Variants in RNF217 observed in about 807,000 individuals in gnomAD.
The protein encoded by RNF217 is ring finger protein 217.
In RNF217, 31 loss-of-function variants were observed where a neutral mutation model predicts 57.8. The ratio of observed to expected loss-of-function variants is 0.54; its 90% confidence interval spans 0.40 to 0.72. RNF217 has a LOEUF of 0.72. RNF217 is among the 30% of genes least tolerant of loss of function. RNF217 has a pLI of 0.00. For synonymous variants in RNF217, 313 were observed against 294.0 expected, an observed-to-expected ratio of 1.06 and a Z score of -0.66; for missense variants, 696 against 708.3, an observed-to-expected ratio of 0.98 and a Z score of 0.20.
intron 1 of RNF217, among the ~76,000 whole-genome samples, chr6:125,005,232 A>G (rs548411878): frequency 5.9e-5 from 9 of 152,326 alleles, no homozygotes; most frequent in African/African-American, 2.2e-4. Context: ...TATAACTACT[A>G]TGGAAAGGAC....
At chr6:124,985,773 G>A (rs970900482) in intron 1 of RNF217, among the ~76,000 whole-genome samples, 8 of 152,066 alleles carry the variant, frequency 5.3e-5, no homozygotes, top group Non-Finnish European at 1.0e-4. Flanking sequence ...GAGGTAGCAA[G>A]GAATTATATT....
intron 1 of RNF217, among the ~76,000 whole-genome samples, chr6:125,037,462 G>A (rs1409160584): frequency 6.6e-6 from 1 of 152,098 alleles, no homozygotes; most frequent in Non-Finnish European, 1.5e-5. Context: ...TCTTTGTACT[G>A]TATTTATCTT....
At chr6:125,045,853 T>C (rs554442505) in intron 2 of RNF217, among the ~76,000 whole-genome samples, 59 of 152,160 alleles carry the variant, frequency 3.9e-4, no homozygotes, top group Admixed American at 1.8e-3. Flanking sequence ...ATGGTACTCA[T>C]TCATTTATTC....
At chr6:125,029,882 C>T (rs1047480916) in intron 1 of RNF217, among the ~76,000 whole-genome samples, 2 of 152,066 alleles carry the variant, frequency 1.3e-5, no homozygotes, top group Non-Finnish European at 2.9e-5. Context: ...GGGTGGGATT[C>T]CCATAGGGCT....
rs1320908868 is a variant in RNF217 at position 124,963,309 on chromosome 6, T to TGC, written c.766_767insCG (p.Val256AlafsTer7). ...GCCTGGGCGGTGTAGGGGATCCCTA[T>TGC]GTGCCCCTCATGGTGCTGATGTGCC... On this transcript the variant is annotated frameshift_variant, in exon 1 of 6. Transcript: ENST00000521654. LOFTEE classifies it high-confidence loss of function. The TGC allele has an allele frequency of 3.4e-5, 52 of 1,535,638 alleles. No homozygotes were observed. Among genetic ancestry groups the TGC allele is most frequent in the African/African-American group, 6.8e-5 (5 of 73,044 alleles).
intron 2 of RNF217, among the ~76,000 whole-genome samples, chr6:125,046,367 T>G (rs1787098992): frequency 6.6e-6 from 1 of 151,988 alleles, no homozygotes; most frequent in Non-Finnish European, 1.5e-5. Flanking sequence ...CAGACAGAAG[T>G]CTGGTTTGAA....
At chr6:124,991,038 TG>T (rs759527179) in intron 1 of RNF217, among the ~76,000 whole-genome samples, 12 of 152,194 alleles carry the variant, frequency 7.9e-5, no homozygotes, top group Non-Finnish European at 1.5e-4. Flanking sequence ...CTGCAAAGCC[TG>T]GGTGACACAG....
Position 124,963,124 on chromosome 6 carries a change from G to C in RNF217, c.580G>C (p.Val194Leu). 6.5e-7 allele frequency: 1 copy of C among 1,535,948 alleles called. No homozygotes were observed. Among genetic ancestry groups the C allele is most frequent in the Middle Eastern group, 1.7e-4 (1 of 5,970 alleles). ...CGCGTCGCCACCTGGGGCTCCGCCA[G>C]TGTTGAACCCTCCCAGCACCCGCTC... is the stretch of plus-strand genomic sequence containing the variant. Reference protein sequence around the residue: ...PPASPPGAPPVLNPPSTRSSF... With the variant: ...PPASPPGAPPLLNPPSTRSSF... The change falls in exon 1 of 6, where the codon GTG becomes CTG. Residue 194 changes from valine (V) to leucine (L), a missense_variant. Coordinates refer to ENST00000521654, the MANE Select transcript of RNF217 (RefSeq NM_001286398.3).
chr6:125,070,813 T>C (rs1233555127), intron 3 of RNF217, among the ~76,000 whole-genome samples: 1 of 152,182 alleles, frequency 6.6e-6, no homozygotes, highest in Non-Finnish European at 1.5e-5. Context: ...CAAAAATGAA[T>C]TAGAGGTTAG....
Position 125,089,211 on chromosome 6 carries a change from G to C in RNF217, c.*6274G>C, listed in dbSNP as rs1317454212. The stretch of plus-strand genomic sequence containing the variant: ...GCAAATGAAGATACCAGTTGGATCA[G>C]AGGGCCTAATAATAGTCTAAAACCA... On this transcript the variant is annotated 3_prime_UTR_variant, in exon 6 of 6. Coordinates refer to ENST00000521654, the MANE Select transcript of RNF217 (RefSeq NM_001286398.3). The C allele has an allele frequency of 2.0e-5, 3 of 152,184 alleles. No individual in the cohort carries two copies. Among genetic ancestry groups the C allele is most frequent in the Admixed American group, 1.3e-4 (2 of 15,266 alleles). 9.4% of individuals were successfully genotyped at this position (152,184 alleles called of 1,614,324 possible).
intron 1 of RNF217, chr6:124,971,576 CT>C (rs749681733): frequency 2.1e-5 from 5 of 242,144 alleles, no homozygotes; most frequent in South Asian, 1.9e-4. Context: ...CTGCCTCAGC[CT>C]TCCGAGTAGT....
In RNF217 at chr6:125,090,016, A is replaced by G. The variant is rs1340520417; in HGVS notation, c.*7079A>G. The G allele has an allele frequency of 6.6e-6, 1 of 152,106 alleles. No individual in the cohort carries two copies. The highest frequency in any genetic ancestry group is 2.4e-5 in the African/African-American group (1 of 41,422). 9.4% of individuals were successfully genotyped at this position (152,106 alleles called of 1,614,324 possible). ...CATAATTTCATTATCAGCTGACAAGAAACCCTTCTAAGACCCATTTTTTTA... is the reference window on the plus strand; with the variant it reads ...CATAATTTCATTATCAGCTGACAAGGAACCCTTCTAAGACCCATTTTTTTA... On this transcript the variant is annotated 3_prime_UTR_variant, in exon 6 of 6. Transcript: ENST00000521654.
intron 4 of RNF217, among the ~76,000 whole-genome samples, chr6:125,079,355 A>C (rs574261077): frequency 3.9e-5 from 6 of 152,132 alleles, no homozygotes; most frequent in Admixed American, 6.6e-5. Flanking sequence ...ATTTTTAAGA[A>C]TAGGTCTTCA....
intron 1 of RNF217, among the ~76,000 whole-genome samples, chr6:125,001,643 A>G (rs941103423): frequency 2.0e-5 from 3 of 152,224 alleles, no homozygotes; most frequent in Non-Finnish European, 4.4e-5. Context: ...TTACTAATCC[A>G]GAGTTCACAC....
intron 1 of RNF217, among the ~76,000 whole-genome samples, chr6:124,978,001 T>C (rs1385237696): frequency 6.6e-6 from 1 of 152,130 alleles, no homozygotes; most frequent in African/African-American, 2.4e-5. Flanking sequence ...GTATTCTTAT[T>C]CTGTTAAAGA....
intron 1 of RNF217, among the ~76,000 whole-genome samples, chr6:125,042,285 G>A (rs577007032): frequency 6.6e-6 from 1 of 152,084 alleles, no homozygotes; most frequent in African/African-American, 2.4e-5. Flanking sequence ...CAATTCTGTA[G>A]GTCTTGAGTG....
chr6:125,045,391 T>C lies in RNF217; in HGVS notation c.1063T>C (p.Phe355Leu), dbSNP rs1356763864. The C allele has an allele frequency of 6.2e-7, 1 of 1,612,928 alleles. No homozygotes were observed. Among genetic ancestry groups the C allele is most frequent in the South Asian group, 1.1e-5 (1 of 90,948 alleles). ...TCCTCAGTGCAAGCACTTTACAACC[T>C]TCAAGAAAAAAGGACATATTCCCAC... ...PCPQCKHFTTFKKKGHIPTPS... is the reference protein window; with the variant it reads ...PCPQCKHFTTLKKKGHIPTPS... Residue 355 changes from phenylalanine to leucine, a missense_variant, in exon 2 of 6, where the codon TTC becomes CTC. By Grantham distance (22) the Phe-to-Leu change is conservative (BLOSUM62 0). Coordinates refer to ENST00000521654, the MANE Select transcript of RNF217 (RefSeq NM_001286398.3).
chr6:124,992,260 G>A (rs1784588365), intron 1 of RNF217, among the ~76,000 whole-genome samples: 1 of 152,250 alleles, frequency 6.6e-6, no homozygotes, highest in Admixed American at 6.5e-5. Context: ...GCAAAGGTAT[G>A]TTTTGTAATT....
intron 5 of RNF217, 129 bp from the exon 6 acceptor site, chr6:125,082,735 C>T (rs1438521829): frequency 1.9e-5 from 22 of 1,148,992 alleles, no homozygotes; most frequent in Non-Finnish European, 2.8e-5. Context: ...GAAGTAAATA[C>T]ATTTCATAGC....
Sources: allele counts gnomAD v4.1 joint callset (sites outside exome capture counted in the v4.1 genomes callset), GRCh38; gene constraint gnomAD v4.1.1; transcripts MANE v1.5; gene names NCBI Gene and HGNC (gene_info 2026-07-23, HGNC 2026-07-21).